Variants in SHANK2 observed in about 807,000 individuals in gnomAD.
SHANK2 encodes SH3 and multiple ankyrin repeat domains 2.
A neutral mutation model predicts 133.7 loss-of-function variants in SHANK2; 43 were observed. The observed-to-expected ratio is 0.32, with a 90% CI of 0.25 to 0.41. The LOEUF is 0.41. SHANK2 is among the 10% of genes least tolerant of loss of function. The pLI, the probability that SHANK2 is intolerant of heterozygous loss-of-function variation, is 1.00. For synonymous variants in SHANK2, 1,017 were observed against 952.8 expected, an observed-to-expected ratio of 1.07 and a Z score of -1.24; for missense variants, 1,994 against 2,235.8, an observed-to-expected ratio of 0.89 and a Z score of 2.18.
intron 2 of SHANK2, among the ~76,000 whole-genome samples, chr11:71,199,291 C>T (rs546739892): frequency 6.6e-6 from 1 of 152,238 alleles, no homozygotes; most frequent in Non-Finnish European, 1.5e-5. Context: ...CAGAAGTCAG[C>T]CTCTGCAGAT....
At chr11:70,805,907 A>G (rs1376239987) in intron 13 of SHANK2, among the ~76,000 whole-genome samples, 1 of 152,254 alleles carries the variant, frequency 6.6e-6, no homozygotes, top group Non-Finnish European at 1.5e-5. Context: ...AAAAATGAAT[A>G]GAGCTCCAGG....
At chr11:70,705,121 T>C (rs1175744523) in intron 14 of SHANK2, 2 of 152,228 alleles carry the variant, frequency 1.3e-5, no homozygotes, top group African/African-American at 4.8e-5. Context: ...GAAACTTTTG[T>C]TGTTCCAAAC....
Position 70,541,971 on chromosome 11 carries a change from C to T in SHANK2, c.2062-39040G>A, listed in dbSNP as rs960024012. 3.9e-5 allele frequency among the ~76,000 whole-genome samples: 6 copies of T among 152,206 alleles called. 1 individual carries two copies. Among genetic ancestry groups the T allele is most frequent in the East Asian group, 3.9e-4 (2 of 5,190 alleles). On this transcript the variant is annotated intron_variant, in intron 17 of 25. Transcript: ENST00000601538. ...CTCACTCAGAAGCTTCTGCACACCC[C>T]GTGACAGTGGCTAGAGGGGGTTTAC...
rs1555148248 is a variant in SHANK2, at chr11:70,470,644, A to G, written c.*2225T>C. 6.6e-6 allele frequency: 1 copy of G among 152,516 alleles called. No homozygotes were observed. The highest frequency in any genetic ancestry group is 2.4e-5 in the African/African-American group (1 of 41,462). 9.4% of individuals were successfully genotyped at this position (152,516 alleles called of 1,614,324 possible). A position where few individuals can be genotyped will look rare whatever the true frequency, so the allele number is the denominator to read the frequency against. On this transcript the variant is annotated 3_prime_UTR_variant, in exon 26 of 26. Transcript: ENST00000601538. ...GGGGCAGCCTCAGCAGGCCACCTGTAGTATCCTGTCTTGAAATTTATCTAG... is the reference window on the plus strand; with the variant it reads ...GGGGCAGCCTCAGCAGGCCACCTGTGGTATCCTGTCTTGAAATTTATCTAG...
At chr11:70,480,715 G>A (rs1555151317) in intron 25 of SHANK2, among the ~76,000 whole-genome samples, 1 of 152,196 alleles carries the variant, frequency 6.6e-6, no homozygotes, top group Non-Finnish European at 1.5e-5. Flanking sequence ...CATTCTGAGG[G>A]TCCAGGCATC....
chr11:71,139,391 T>C (rs1231677539), intron 3 of SHANK2, among the ~76,000 whole-genome samples: 2 of 151,338 alleles, frequency 1.3e-5, no homozygotes, highest in Non-Finnish European at 2.9e-5. Context: ...TTAGAAGATA[T>C]ACCTTATGTT....
chr11:70,836,342 C>A (rs1948816265), intron 11 of SHANK2, among the ~76,000 whole-genome samples: 1 of 152,234 alleles, frequency 6.6e-6, no homozygotes, highest in Non-Finnish European at 1.5e-5. Context: ...CTGCTTGAGA[C>A]CTCAGGCACG....
intron 15 of SHANK2, among the ~76,000 whole-genome samples, chr11:70,696,625 G>T (rs77902142): frequency 6.6e-6 from 1 of 152,212 alleles, no homozygotes; most frequent in Non-Finnish European, 1.5e-5. Context: ...GTCACAAAGT[G>T]GGCGAGTGTA....
intron 2 of SHANK2, among the ~76,000 whole-genome samples, chr11:71,207,063 G>T (rs1366312081): frequency 6.6e-6 from 1 of 151,194 alleles, no homozygotes; most frequent in Non-Finnish European, 1.5e-5. Context: ...TCCAGCCTGG[G>T]TGACAGAGTG....
At chr11:71,077,326 C>T (rs927521918) in intron 8 of SHANK2, among the ~76,000 whole-genome samples, 11 of 152,194 alleles carry the variant, frequency 7.2e-5, no homozygotes, top group South Asian at 4.1e-4. Flanking sequence ...CCCCTTCCCC[C>T]GGTTAATCTG....
At chr11:70,832,813 C>A (rs1948744948) in intron 11 of SHANK2, among the ~76,000 whole-genome samples, 1 of 152,202 alleles carries the variant, frequency 6.6e-6, no homozygotes, top group African/African-American at 2.4e-5. Context: ...GCCCCAGACC[C>A]TGAGAAGGCC....
intron 2 of SHANK2, among the ~76,000 whole-genome samples, chr11:71,161,075 A>G (rs747400955): frequency 3.2e-4 from 49 of 152,256 alleles, no homozygotes; most frequent in Non-Finnish European, 5.9e-4. Context: ...ATTCCAAAGT[A>G]AAACTGAAAA....
intron 17 of SHANK2, among the ~76,000 whole-genome samples, chr11:70,539,816 G>C (rs1554974857): frequency 6.6e-6 from 1 of 152,190 alleles, no homozygotes; most frequent in Non-Finnish European, 1.5e-5. Context: ...AACCACAGAC[G>C]TTCATGTTCC....
chr11:70,830,517 G>A lies in SHANK2; in HGVS notation c.1175-9835C>T, dbSNP rs1230398858. On this transcript the variant is annotated intron_variant, in intron 11 of 25. Transcript: ENST00000601538. The surrounding 1 kb of genome is among the most constrained non-coding windows in gnomAD (Gnocchi z 4.4). ...ACCTGCCACCGACCAGGTGACCTTG[G>A]AGAGCTGGGGAAGCAGAGGCGGGTG... 6.6e-6 allele frequency among the ~76,000 whole-genome samples: 1 copy of A among 152,210 alleles called. No homozygotes were observed. Among genetic ancestry groups the A allele is most frequent in the Non-Finnish European group, 1.5e-5 (1 of 68,038 alleles).
chr11:70,827,251 C>T (rs1353852706), intron 11 of SHANK2, among the ~76,000 whole-genome samples: 1 of 129,674 alleles, frequency 7.7e-6, no homozygotes, highest in Non-Finnish European at 1.6e-5. Flanking sequence ...AGGACTCCAC[C>T]CCCTCCTACT....
At chr11:70,596,212 T>G (rs1409105222) in intron 17 of SHANK2, among the ~76,000 whole-genome samples, 1 of 152,194 alleles carries the variant, frequency 6.6e-6, no homozygotes, top group African/African-American at 2.4e-5. Context: ...CTTCCCCGCC[T>G]GCTCTGTGGG....
At chr11:71,056,353 G>A (rs1484068612) in intron 10 of SHANK2, 128 bp downstream of exon 10, 6 of 152,094 alleles carry the variant, frequency 3.9e-5, no homozygotes, top group Non-Finnish European at 8.8e-5. Context: ...AGCAGCCTCC[G>A]AATAAGAAAA....
chr11:70,728,647 G>T (rs189228754), intron 14 of SHANK2, among the ~76,000 whole-genome samples: 83 of 152,266 alleles, frequency 5.5e-4, no homozygotes, highest in Admixed American at 1.7e-3. Context: ...AAACAAATAC[G>T]CACGCCCAGA....
chr11:70,595,449 C>T (rs2060386566), intron 17 of SHANK2, among the ~76,000 whole-genome samples: 1 of 152,240 alleles, frequency 6.6e-6, no homozygotes, highest in Non-Finnish European at 1.5e-5. Context: ...AGATGAGGCT[C>T]CTGAGGCCTA....
Sources: gnomAD v4.1 joint callset for allele counts (sites outside exome capture counted in the v4.1 genomes callset) on GRCh38, gnomAD v4.1.1 for gene constraint, Gnocchi (gnomAD v3.1) non-coding constraint, MANE v1.5 for transcripts, NCBI Gene and HGNC (gene_info 2026-07-23, HGNC 2026-07-21) for gene names.